Variants in ADAM12 observed in about 807,000 individuals in gnomAD.
The protein encoded by ADAM12 is disintegrin and metalloproteinase domain-containing protein 12.
In ADAM12, 70 loss-of-function variants were observed where a neutral mutation model predicts 106.4. That is an observed-to-expected ratio of 0.66 (90% CI 0.54 to 0.80). The LOEUF is 0.80. Among genes scored for constraint, ADAM12 ranks in the 30% least tolerant of loss-of-function variants. The probability of loss-of-function intolerance (pLI) is 0.00; values close to 1 mark genes in which losing one functional copy is unlikely to be tolerated. For synonymous variants in ADAM12, 420 were observed against 433.5 expected (o/e 0.97, Z 0.39); for missense variants, 1,010 against 1,171.9 (o/e 0.86, Z 2.02).
chr10:126,113,709 TATATATATATATATATATATATA>T (rs1955923716), intron 6 of ADAM12, among the ~76,000 whole-genome samples: 1 of 70,988 alleles, frequency 1.4e-5, no homozygotes, highest in South Asian at 5.6e-4. Context: ...TATATATATA[TATATATATATATATATATATATA>T]ATATATTGCT....
intron 3 of ADAM12, among the ~76,000 whole-genome samples, chr10:126,161,921 C>T (rs116831901): frequency 0.02 from 3,020 of 152,276 alleles, 90 homozygotes; most frequent in African/African-American, 0.069. Flanking sequence ...TTCTTTTTCT[C>T]TGCTTATTAG....
chr10:126,365,091 A>C (rs1267504051), intron 1 of ADAM12, among the ~76,000 whole-genome samples: 3 of 152,176 alleles, frequency 2.0e-5, no homozygotes, highest in African/African-American at 7.2e-5. Context: ...AAGATACTAC[A>C]TTGTTAATAT....
rs184944400 is a variant in ADAM12 at position 126,148,448 on chromosome 10, C to A, written c.339+6779G>T. Among the ~76,000 whole-genome samples, 59 of 152,312 alleles carry A rather than the reference C, an allele frequency of 3.9e-4. 1 individual carries two copies. The highest frequency in any genetic ancestry group is 7.6e-4 in the Non-Finnish European group (52 of 68,026). ...GCCTCGGACTCTCCTTAAGGGGCTCCTGCTGGAAGGACCAGCTGTTCTGGG... is the reference window on the plus strand; with the variant it reads ...GCCTCGGACTCTCCTTAAGGGGCTCATGCTGGAAGGACCAGCTGTTCTGGG... On this transcript the variant is annotated intron_variant, in intron 4 of 22. Coordinates refer to ENST00000448723, the MANE Select transcript of ADAM12 (RefSeq NM_001288973.2).
rs573697518 is a variant in ADAM12 at position 126,244,009 on chromosome 10, G to T, written c.260+34906C>A. 1.2e-3 allele frequency among the ~76,000 whole-genome samples: 189 copies of T among 152,276 alleles called. 2 individuals are homozygous for T. Among genetic ancestry groups the T allele is most frequent in the Non-Finnish European group, 1.2e-3 (83 of 68,026 alleles). The stretch of plus-strand genomic sequence containing the variant: ...AACTGGATCAGACTGGGGGAGAAAG[G>T]TTTCTGTTTCTCAAATTCTAGTCAT... On this transcript the variant is annotated intron_variant, in intron 3 of 22. Coordinates refer to ENST00000448723, the MANE Select transcript of ADAM12 (RefSeq NM_001288973.2).
At chr10:126,174,810 T>C (rs994729984) in intron 3 of ADAM12, among the ~76,000 whole-genome samples, 4 of 151,260 alleles carry the variant, frequency 2.6e-5, no homozygotes, top group Non-Finnish European at 5.9e-5. Context: ...TGGAGTGCAG[T>C]GGCTTGATCT....
intron 2 of ADAM12, among the ~76,000 whole-genome samples, chr10:126,288,958 G>T (rs1211156780): frequency 4.0e-5 from 6 of 151,362 alleles, no homozygotes; most frequent in Admixed American, 3.9e-4. Context: ...TAGCCCTGAG[G>T]ATAGGACCAC....
At chr10:126,107,148 T>G (rs749859459) in intron 8 of ADAM12, among the ~76,000 whole-genome samples, 1 of 152,156 alleles carries the variant, frequency 6.6e-6, no homozygotes, top group Admixed American at 6.5e-5. Flanking sequence ...TACATGTACA[T>G]GAAGCACATA....
At chr10:126,214,971 G>A (rs768401808) in intron 3 of ADAM12, among the ~76,000 whole-genome samples, 17 of 152,084 alleles carry the variant, frequency 1.1e-4, no homozygotes, top group South Asian at 2.1e-4. Flanking sequence ...TCAGCCCCTC[G>A]CTGGGCCATT....
chr10:126,174,215 A>G (rs1484622389), intron 3 of ADAM12, among the ~76,000 whole-genome samples: 4 of 151,524 alleles, frequency 2.6e-5, no homozygotes, highest in African/African-American at 9.7e-5. Flanking sequence ...CCACCTCCCA[A>G]TCTTTACAAA....
At chr10:126,028,909 T>C (rs1953926939) in intron 21 of ADAM12, among the ~76,000 whole-genome samples, 1 of 151,874 alleles carries the variant, frequency 6.6e-6, no homozygotes, top group Non-Finnish European at 1.5e-5. Context: ...ATAAGGAATT[T>C]AAAATTACAA....
chr10:126,292,945 C>T (rs559267648), intron 2 of ADAM12, among the ~76,000 whole-genome samples: 1 of 152,308 alleles, frequency 6.6e-6, no homozygotes, highest in East Asian at 1.9e-4. Flanking sequence ...TTGCGCCCAC[C>T]TCAAGTTTCC....
intron 3 of ADAM12, among the ~76,000 whole-genome samples, chr10:126,162,694 C>T (rs923941826): frequency 6.6e-6 from 1 of 152,074 alleles, no homozygotes; most frequent in Non-Finnish European, 1.5e-5. Flanking sequence ...AGCACCAGGC[C>T]AGGACACAAC....
intron 20 of ADAM12, 60 bp downstream of exon 20, chr10:126,038,181 G>A (rs1011175183): frequency 2.3e-5 from 33 of 1,407,246 alleles, no homozygotes; most frequent in South Asian, 1.3e-4. Flanking sequence ...ATTCAGTCTC[G>A]TATTGAAAAC....
intron 5 of ADAM12, among the ~76,000 whole-genome samples, chr10:126,127,996 G>T (rs1352648023): frequency 2.6e-5 from 4 of 152,112 alleles, no homozygotes; most frequent in Non-Finnish European, 4.4e-5. Flanking sequence ...TGGTGGGACT[G>T]AAAAAGAAGA....
At chr10:126,153,946 T>A (rs948432374) in intron 4 of ADAM12, among the ~76,000 whole-genome samples, 2 of 152,212 alleles carry the variant, frequency 1.3e-5, no homozygotes, top group African/African-American at 4.8e-5. Context: ...ATGTCTTCAT[T>A]TTTTATGAAG....
intron 3 of ADAM12, among the ~76,000 whole-genome samples, chr10:126,260,260 C>T (rs1590698347): frequency 6.6e-6 from 1 of 152,242 alleles, no homozygotes. Flanking sequence ...TCCATACTCA[C>T]AGGCAAACAT....
At chr10:126,283,630 T>G (rs1327125708) in intron 2 of ADAM12, among the ~76,000 whole-genome samples, 2 of 152,226 alleles carry the variant, frequency 1.3e-5, no homozygotes, top group Non-Finnish European at 2.9e-5. Context: ...TCATGTTTTC[T>G]GACCATTTCC....
At chr10:126,248,697 T>G (rs61863448) in intron 3 of ADAM12, among the ~76,000 whole-genome samples, 1,385 of 44,474 alleles carry the variant, frequency 0.031, 13 homozygotes, top group African/African-American at 0.1. Flanking sequence ...ATTTATTTAT[T>G]TATTTATTTA....
chr10:126,131,104 C>CTTTTTTTTTTTTTTTTTTTTTT (rs71029289), intron 5 of ADAM12, among the ~76,000 whole-genome samples: 1 of 100,936 alleles, frequency 9.9e-6, no homozygotes, highest in African/African-American at 3.8e-5. Flanking sequence ...CAGCTGTCTT[C>CTTTTTTTTTTTTTTTTTTTTTT]TTTTTTTTTT....
Sources: gnomAD v4.1 joint callset for allele counts (sites outside exome capture counted in the v4.1 genomes callset) on GRCh38, gnomAD v4.1.1 for gene constraint, MANE v1.5 for transcripts, NCBI Gene and HGNC (gene_info 2026-07-23, HGNC 2026-07-21) for gene names.